RASD1: variants seen among roughly 807,000 people sequenced by gnomAD.
RASD1 encodes the protein dexamethasone-induced Ras-related protein 1.
RASD1 carries 13 observed loss-of-function variants against 16.7 expected under a neutral mutation model. That is an observed-to-expected ratio of 0.78 (90% confidence interval 0.51 to 1.24). RASD1 has a LOEUF of 1.24. RASD1 is among the 50% of genes most tolerant of loss of function. The pLI, the probability that RASD1 is intolerant of heterozygous loss-of-function variation, is 0.00. For synonymous variants in RASD1, 170 were observed against 172.6 expected, an observed-to-expected ratio of 0.98 and a Z score of 0.12; for missense variants, 397 against 407.5, an observed-to-expected ratio of 0.97 and a Z score of 0.22.
At position 17,494,594 on chromosome 17, in the gene RASD1, T is replaced by G. The variant is rs1003821845; in HGVS notation, c.*531A>C. ...TTAAAGTGCAAGTTTTGTTTTGTGTTCCTTTGTGCAGTTTCACTCACATGT... is the reference window on the plus strand; with the variant it reads ...TTAAAGTGCAAGTTTTGTTTTGTGTGCCTTTGTGCAGTTTCACTCACATGT... On this transcript the variant is annotated 3_prime_UTR_variant, in exon 2 of 2. Coordinates refer to ENST00000225688, the MANE Select transcript of RASD1 (RefSeq NM_016084.5). 6.3e-6 allele frequency: 1 copy of G among 159,296 alleles called. No homozygotes were observed. Among genetic ancestry groups the G allele is most frequent in the Non-Finnish European group, 1.4e-5 (1 of 72,632 alleles). The allele number at this position is 159,296 out of a possible 1,614,324, so 9.9% of individuals were successfully genotyped here. A position where few individuals can be genotyped will look rare whatever the true frequency, so the allele number is the denominator to read the frequency against.
intron 1 of RASD1, 87 bp downstream of exon 1, chr17:17,495,809 G>A (rs1905414537): frequency 6.8e-7 from 1 of 1,475,862 alleles, no homozygotes; most frequent in Non-Finnish European, 9.0e-7. Context: ...ACTACTCGGC[G>A]CGCGGCAGCC....
Position 17,495,026 on chromosome 17 carries a change from C to A in RASD1, c.*99G>T. 1.4e-6 allele frequency: 2 copies of A among 1,459,146 alleles called. No individual in the cohort carries two copies. The highest frequency in any genetic ancestry group is 1.9e-6 in the Non-Finnish European group (2 of 1,080,482). 90.4% of individuals were successfully genotyped at this position (1,459,146 alleles called of 1,614,324 possible). A position where few individuals can be genotyped will look rare whatever the true frequency, so the allele number is the denominator to read the frequency against. ...GGGCGGATCGCCGGGAGGGGAGACG[C>A]CAGTCCGCGCGCGCTCCCGGCCTGG... On this transcript the variant is annotated 3_prime_UTR_variant, in exon 2 of 2. Transcript: ENST00000225688.
Position 17,496,201 on chromosome 17 carries a change from G to T in RASD1, c.-20C>A. The stretch of plus-strand genomic sequence containing the variant: ...TTTCATTGGGCAGAGGGGCCGCGAG[G>T]GCGGGCGCGGGGCCGAGAGAAGGGC... On this transcript the variant is annotated 5_prime_UTR_variant, in exon 1 of 2. Coordinates refer to ENST00000225688, the MANE Select transcript of RASD1 (RefSeq NM_016084.5). 1 of 1,563,184 alleles carries T rather than the reference G, an allele frequency of 6.4e-7. No individual in the cohort carries two copies. The highest frequency in any genetic ancestry group is 8.7e-7 in the Non-Finnish European group (1 of 1,151,654).
rs1671822 is a variant in RASD1 at position 17,494,668 on chromosome 17, T to C, written c.*457A>G. 173,293 of 175,170 alleles carry C rather than the reference T, an allele frequency of 0.99. 85,739 individuals carry two copies. The highest frequency in any genetic ancestry group is 1 in the African/African-American group (41,787 of 41,866). 10.9% of individuals were successfully genotyped at this position (175,170 alleles called of 1,614,324 possible). On this transcript the variant is annotated 3_prime_UTR_variant, in exon 2 of 2. Coordinates refer to ENST00000225688, the MANE Select transcript of RASD1 (RefSeq NM_016084.5). ...TGACCCACGCCCCCCCGCTTAGTTT[T>C]GGGAGGGCAGAGGCTCTACCGGCTG...
Position 17,496,164 on chromosome 17 carries a change from C to A in RASD1, c.18G>T (p.Met6Ile). 6.2e-7 allele frequency: 1 copy of A among 1,605,622 alleles called. No individual in the cohort carries two copies. Among genetic ancestry groups the A allele is most frequent in the Non-Finnish European group, 8.5e-7 (1 of 1,174,256 alleles). Residue 6 changes from methionine to isoleucine, a missense_variant, in exon 1 of 2, where the codon ATG (methionine) becomes ATT (isoleucine). By Grantham distance (10) the Met-to-Ile change is conservative. Transcript: ENST00000225688. MKLAAMIKKMCPSDSE... is the reference protein window; with the variant it reads MKLAAIIKKMCPSDSE... ...AGTCGCTCGGGCACATCTTCTTGAT[C>A]ATCGCGGCCAGTTTCATTGGGCAGA... is the stretch of plus-strand genomic sequence containing the variant.
Position 17,496,361 on chromosome 17 carries a change from G to T in RASD1, c.-180C>A. ...TCGGGCTAGGCTGGGCTCGGCTGGG[G>T]TTCTCCCAGGATCTGGGCACAGGCC... On this transcript the variant is annotated 5_prime_UTR_variant, in exon 1 of 2. Transcript: ENST00000225688. 1.5e-6 allele frequency: 1 copy of T among 648,348 alleles called. No homozygotes were observed. The highest frequency in any genetic ancestry group is 2.5e-6 in the Non-Finnish European group (1 of 407,298). The allele number at this position is 648,348 out of a possible 1,614,324, so 40.2% of individuals were successfully genotyped here. A position where few individuals can be genotyped will look rare whatever the true frequency, so the allele number is the denominator to read the frequency against.
chr17:17,495,260 G>A lies in RASD1; in HGVS notation c.711C>T (p.Gly237=). The change falls in exon 2 of 2, where the codon GGC becomes GGT. Residue 237 remains glycine (G), a synonymous_variant. Transcript: ENST00000225688. The part of the protein sequence containing the change: ...LLRAGSGGGG[G]DPGDAFGIVA... Reference sequence around the variant, plus strand: ...CGATGCCAAAGGCGTCGCCCGGGTCGCCGCCGCCGCCGCCGCTGCCGGCCC... The same window carrying A: ...CGATGCCAAAGGCGTCGCCCGGGTCACCGCCGCCGCCGCCGCTGCCGGCCC... The A allele has an allele frequency of 1.9e-6, 3 of 1,551,072 alleles. No individual in the cohort carries two copies. In the South Asian group the frequency reaches 3.5e-5, roughly 18 times the overall value.
rs1905414265 is a variant in RASD1, at chr17:17,495,806, G to C, written c.286+90C>G. 8 of 1,474,670 alleles carry C rather than the reference G, an allele frequency of 5.4e-6. No homozygotes were observed. The African/African-American group carries it at 9.8e-5, about 18-fold the overall frequency. 91.3% of individuals were successfully genotyped at this position (1,474,670 alleles called of 1,614,324 possible). On this transcript the variant is annotated intron_variant, in intron 1 of 1. Coordinates refer to ENST00000225688, the MANE Select transcript of RASD1 (RefSeq NM_016084.5). ...TCTCTAAGCGCGAAGCGCACTACTCGGCGCGCGGCAGCCGGACCGGCGCTC... is the reference window on the plus strand; with the variant it reads ...TCTCTAAGCGCGAAGCGCACTACTCCGCGCGCGGCAGCCGGACCGGCGCTC...
In RASD1 at chr17:17,495,351, C is replaced by A. The variant is rs1905387612; in HGVS notation, c.620G>T (p.Arg207Leu). The A allele has an allele frequency of 3.2e-6, 5 of 1,575,130 alleles. No individual in the cohort carries two copies. The highest frequency in any genetic ancestry group is 4.3e-6 in the Non-Finnish European group (5 of 1,160,246). ...LPSEMSPDLH[R>L]KVSVQYCDVL... ...GTCGCAGTACTGCACCGAGACCTTG[C>A]GGTGCAGGTCTGGGCTCATCTCGCT... is the stretch of plus-strand genomic sequence containing the variant. The change falls in exon 2 of 2, where the codon CGC (arginine) becomes CTC (leucine). Residue 207 changes from arginine to leucine, a missense_variant. Transcript: ENST00000225688.
chr17:17,494,941 C>G lies in RASD1; in HGVS notation c.*184G>C. 1.3e-6 allele frequency: 1 copy of G among 774,852 alleles called. No individual in the cohort carries two copies. Among genetic ancestry groups the G allele is most frequent in the Non-Finnish European group, 2.0e-6 (1 of 501,058 alleles). 48.0% of individuals were successfully genotyped at this position (774,852 alleles called of 1,614,324 possible). The stretch of plus-strand genomic sequence containing the variant: ...AATAGTCCCAGTCTTGGCCCGTTCT[C>G]TTTCCTTCCGGAGCAGATGACCGTC... On this transcript the variant is annotated 3_prime_UTR_variant, in exon 2 of 2. Coordinates refer to ENST00000225688, the MANE Select transcript of RASD1 (RefSeq NM_016084.5).
rs1016854565 is a variant in RASD1, at chr17:17,496,362, T to C, written c.-181A>G. On this transcript the variant is annotated 5_prime_UTR_variant, in exon 1 of 2. Transcript: ENST00000225688. ...CGGGCTAGGCTGGGCTCGGCTGGGG[T>C]TCTCCCAGGATCTGGGCACAGGCCG... 1.6e-6 allele frequency: 1 copy of C among 643,688 alleles called. No homozygotes were observed. Among genetic ancestry groups the C allele is most frequent in the African/African-American group, 2.0e-5 (1 of 50,662 alleles). 39.9% of individuals were successfully genotyped at this position (643,688 alleles called of 1,614,324 possible). A position where few individuals can be genotyped will look rare whatever the true frequency, so the allele number is the denominator to read the frequency against.
At position 17,496,313 on chromosome 17, in the gene RASD1, C is replaced by T; in HGVS notation, c.-132G>A. 1.0e-6 allele frequency: 1 copy of T among 986,790 alleles called. No homozygotes were observed. The highest frequency in any genetic ancestry group is 1.8e-5 in the South Asian group (1 of 56,374). 61.1% of individuals were successfully genotyped at this position (986,790 alleles called of 1,614,324 possible). The stretch of plus-strand genomic sequence containing the variant: ...GGCTGGGCGCGGCTCGGGCTTGGGG[C>T]TCCGGCTCCGCTCGGGCTGGGCTCG... On this transcript the variant is annotated 5_prime_UTR_variant, in exon 1 of 2. Transcript: ENST00000225688.
chr17:17,496,265 G>T lies in RASD1; in HGVS notation c.-84C>A. On this transcript the variant is annotated 5_prime_UTR_variant, in exon 1 of 2. Coordinates refer to ENST00000225688, the MANE Select transcript of RASD1 (RefSeq NM_016084.5). ...GGGTCGCTGGGGTGGCACGCGGGGTGAGCGGCTGGAGGGCTCTGCTCGGGC... is the reference window on the plus strand; with the variant it reads ...GGGTCGCTGGGGTGGCACGCGGGGTTAGCGGCTGGAGGGCTCTGCTCGGGC... 7.1e-7 allele frequency: 1 copy of T among 1,406,576 alleles called. No homozygotes were observed. The highest frequency in any genetic ancestry group is 9.5e-7 in the Non-Finnish European group (1 of 1,051,424). 87.1% of individuals were successfully genotyped at this position (1,406,576 alleles called of 1,614,324 possible). A position where few individuals can be genotyped will look rare whatever the true frequency, so the allele number is the denominator to read the frequency against.
In RASD1 at chr17:17,496,148, G is replaced by A. The variant is rs374976378; in HGVS notation, c.34C>T (p.Pro12Ser). 2.5e-5 allele frequency: 40 copies of A among 1,610,696 alleles called. No individual in the cohort carries two copies. Among genetic ancestry groups the A allele is most frequent in the African/African-American group, 2.3e-4 (17 of 74,872 alleles). Residue 12 changes from proline (P) to serine (S), a missense_variant, in exon 1 of 2, where the codon CCG (proline) becomes TCG (serine). Transcript: ENST00000225688. Reference protein sequence around the residue: ...KLAAMIKKMCPSDSELSIPAK... With the variant: ...KLAAMIKKMCSSDSELSIPAK... ...GGGATACTCAGCTCCGAGTCGCTCG[G>A]GCACATCTTCTTGATCATCGCGGCC...
Position 17,496,234 on chromosome 17 carries a change from G to T in RASD1, c.-53C>A, listed in dbSNP as rs1487421009. 8 of 1,504,066 alleles carry T rather than the reference G, an allele frequency of 5.3e-6. No homozygotes were observed. Among genetic ancestry groups the T allele is most frequent in the Middle Eastern group, 2.1e-4 (1 of 4,866 alleles). The allele number at this position is 1,504,066 out of a possible 1,614,324, so 93.2% of individuals were successfully genotyped here. A position where few individuals can be genotyped will look rare whatever the true frequency, so the allele number is the denominator to read the frequency against. ...CGGGGCCGAGAGAAGGGCAGAGAGC[G>T]GCTGAGGGTCGCTGGGGTGGCACGC... On this transcript the variant is annotated 5_prime_UTR_variant, in exon 1 of 2. Coordinates refer to ENST00000225688, the MANE Select transcript of RASD1 (RefSeq NM_016084.5).
chr17:17,494,791 C>T lies in RASD1; in HGVS notation c.*334G>A. The T allele has an allele frequency of 2.6e-6, 1 of 378,966 alleles. No homozygotes were observed. The highest frequency in any genetic ancestry group is 4.8e-6 in the Non-Finnish European group (1 of 210,126). 23.5% of individuals were successfully genotyped at this position (378,966 alleles called of 1,614,324 possible). ...TTGAAGCCTAGCAGAGGCTGGATAA[C>T]TTCACATCCCTCCCCCACCCCGCGC... On this transcript the variant is annotated 3_prime_UTR_variant, in exon 2 of 2. Coordinates refer to ENST00000225688, the MANE Select transcript of RASD1 (RefSeq NM_016084.5).
Position 17,496,101 on chromosome 17 carries a change from C to T in RASD1, c.81G>A (p.Met27Ile). The change falls in exon 1 of 2, where the codon ATG (methionine) becomes ATA (isoleucine). Residue 27 changes from methionine (M) to isoleucine (I), a missense_variant. Transcript: ENST00000225688. ...LSIPAKNCYR[M>I]VILGSSKVGK... ...CCACCTTGGACGAGCCGAGGATGAC[C>T]ATGCGATAGCAGTTCTTGGCCGGGA... The T allele has an allele frequency of 6.2e-7, 1 of 1,614,106 alleles. No individual in the cohort carries two copies. Among genetic ancestry groups the T allele is most frequent in the Non-Finnish European group, 8.5e-7 (1 of 1,180,022 alleles).
chr17:17,496,298 G>GCCCA lies in RASD1; in HGVS notation c.-118_-117insTGGG. ...GGAGGGCTCTGCTCGGGCTGGGCGC[G>GCCCA]GCTCGGGCTTGGGGCTCCGGCTCCG... On this transcript the variant is annotated 5_prime_UTR_variant, in exon 1 of 2. Transcript: ENST00000225688. The GCCCA allele has an allele frequency of 8.4e-7, 1 of 1,185,808 alleles. No homozygotes were observed. Among genetic ancestry groups the GCCCA allele is most frequent in the Non-Finnish European group, 1.1e-6 (1 of 874,528 alleles). 73.5% of individuals were successfully genotyped at this position (1,185,808 alleles called of 1,614,324 possible). A position where few individuals can be genotyped will look rare whatever the true frequency, so the allele number is the denominator to read the frequency against.
intron 1 of RASD1, 97 bp downstream of exon 1, chr17:17,495,799 A>G: frequency 1.4e-6 from 2 of 1,469,800 alleles, no homozygotes; most frequent in Non-Finnish European, 1.8e-6. Context: ...CGCGAAGCGC[A>G]CTACTCGGCG....
Sources: allele counts gnomAD v4.1 joint callset, GRCh38; gene constraint gnomAD v4.1.1; transcripts MANE v1.5; gene names NCBI Gene and HGNC (gene_info 2026-07-23, HGNC 2026-07-21).